Variants in DNAH5 observed in about 807,000 individuals in gnomAD.
The protein encoded by DNAH5 is dynein axonemal heavy chain 5, also known as axonemal beta dynein heavy chain 5.
Under a neutral mutation model 518.2 loss-of-function variants are expected in DNAH5, and 372 were observed. The observed-to-expected ratio is 0.72, with a 90% CI of 0.66 to 0.78. DNAH5 has a LOEUF of 0.78. DNAH5 is among the 30% of genes least tolerant of loss of function. The pLI is 0.00. For missense variants in DNAH5, 5,523 were observed against 5,687.0 expected, an observed-to-expected ratio of 0.97 and a Z score of 0.93; for synonymous variants, 2,039 against 2,025.9, an observed-to-expected ratio of 1.01 and a Z score of -0.17.
chr5:13,704,689 G>A (rs149476458), intron 76 of DNAH5, among the ~76,000 whole-genome samples: 12 of 152,222 alleles, frequency 7.9e-5, no homozygotes, highest in Middle Eastern at 3.4e-3. Flanking sequence ...CATAGTATCC[G>A]GTTCTTTGGT....
At chr5:13,934,792 G>A (rs1374307049) in intron 1 of DNAH5, among the ~76,000 whole-genome samples, 1 of 152,170 alleles carries the variant, frequency 6.6e-6, no homozygotes, top group Non-Finnish European at 1.5e-5. Context: ...GTGGCAAGAG[G>A]CAGGATTCAG....
At chr5:14,005,417 C>A (rs1350254937) in intron 1 of DNAH5, among the ~76,000 whole-genome samples, 1 of 152,156 alleles carries the variant, frequency 6.6e-6, no homozygotes, top group African/African-American at 2.4e-5. Flanking sequence ...TCTCATTATC[C>A]TCAACATCAC....
At chr5:13,879,856 C>A (rs1183941262) in intron 21 of DNAH5, among the ~76,000 whole-genome samples, 3 of 140,372 alleles carry the variant, frequency 2.1e-5, no homozygotes, top group Non-Finnish European at 3.1e-5. Flanking sequence ...ATTGGCTTGC[C>A]AGAAAGAGAA....
At chr5:13,876,651 A>T (rs1295295351) in intron 22 of DNAH5, 33 bp downstream of exon 22, 3 of 1,608,708 alleles carry the variant, frequency 1.9e-6, no homozygotes, top group Non-Finnish European at 2.5e-6. Context: ...GTTGCAAAGC[A>T]AAAGGTCCGG....
In DNAH5 at chr5:13,792,006, GA is replaced by G; in HGVS notation, c.8435del (p.Ile2812ThrfsTer8). 1 of 1,613,522 alleles carries G rather than the reference GA, an allele frequency of 6.2e-7. No individual in the cohort carries two copies. Among genetic ancestry groups the G allele is most frequent in the South Asian group, 1.1e-5 (1 of 91,044 alleles). ...CAGTGTCACTTACATTTGGTTCCTT[GA>G]TGACCTCTGAAGTAGTGTTCAGCAT... Reference protein sequence around the residue: ...QGMLNTTSEVIKEPNDLLKLW... With the variant: ...QGMLNTTSEVXKEPNDLLKLW... On this transcript the variant is annotated frameshift_variant, in exon 50 of 79. Coordinates refer to ENST00000265104, the MANE Select transcript of DNAH5 (RefSeq NM_001369.3). LOFTEE classifies it high-confidence loss of function.
At chr5:13,795,180 A>G (rs939822681) in intron 47 of DNAH5, among the ~76,000 whole-genome samples, 4 of 152,204 alleles carry the variant, frequency 2.6e-5, no homozygotes, top group Non-Finnish European at 4.4e-5. Flanking sequence ...AGCTAGCAGA[A>G]GGCAAGAAAT....
chr5:13,810,393 C>T (rs944114755), intron 44 of DNAH5, 133 bp from the exon 45 acceptor site: 9 of 786,728 alleles, frequency 1.1e-5, no homozygotes, highest in African/African-American at 1.0e-4. Context: ...AGGATGAATA[C>T]AACTGGAGAA....
intron 13 of DNAH5, 24 bp from the exon 14 acceptor site, chr5:13,901,597 G>T (rs1426353378): frequency 1.3e-6 from 2 of 1,483,186 alleles, no homozygotes; most frequent in Non-Finnish European, 1.9e-6. Context: ...AAAGTTAAAA[G>T]CTTGAATTAA....
chr5:13,916,979 T>A (rs974931150), intron 8 of DNAH5, among the ~76,000 whole-genome samples, 164 bp downstream of exon 8: 1 of 152,198 alleles, frequency 6.6e-6, no homozygotes, highest in African/African-American at 2.4e-5. Context: ...CAGATATTTG[T>A]GCGTCTGCGT....
intron 16 of DNAH5, among the ~76,000 whole-genome samples, chr5:13,893,239 G>A (rs1485823023): frequency 6.6e-6 from 1 of 152,132 alleles, no homozygotes; most frequent in South Asian, 2.1e-4. Context: ...GAGACCTGAG[G>A]GGCGGAGTTG....
At chr5:14,001,140 C>T (rs548674545) in intron 1 of DNAH5, among the ~76,000 whole-genome samples, 1 of 152,128 alleles carries the variant, frequency 6.6e-6, no homozygotes, top group Non-Finnish European at 1.5e-5. Context: ...GAGGACTACT[C>T]GAGGGGAGAG....
chr5:13,735,465 A>T, intron 67 of DNAH5, 144 bp from the exon 68 acceptor site: 1 of 776,994 alleles, frequency 1.3e-6, no homozygotes, highest in South Asian at 1.7e-5. Flanking sequence ...CTAAATCTAA[A>T]ATAACAAGAA....
In DNAH5 at chr5:13,700,632, C is replaced by T; in HGVS notation, c.13723+8G>A. On this transcript the variant is annotated splice_region_variant and intron_variant, in intron 78 of 78. Coordinates refer to ENST00000265104, the MANE Select transcript of DNAH5 (RefSeq NM_001369.3). ...GCGAGCCCTTACTGAAGGTACAAGA[C>T]AACTTACTATTGTTTTCTGCATAAA... 6.2e-7 allele frequency: 1 copy of T among 1,612,914 alleles called. No individual in the cohort carries two copies. The highest frequency in any genetic ancestry group is 1.1e-5 in the South Asian group (1 of 91,052).
intron 1 of DNAH5, among the ~76,000 whole-genome samples, chr5:13,973,016 C>A (rs1373348680): frequency 6.6e-6 from 1 of 152,092 alleles, no homozygotes; most frequent in Non-Finnish European, 1.5e-5. Flanking sequence ...CCTTACGTGA[C>A]AACAGGGGCT....
chr5:13,879,130 A>T (rs1771293243), intron 21 of DNAH5, among the ~76,000 whole-genome samples: 1 of 152,212 alleles, frequency 6.6e-6, no homozygotes, highest in Non-Finnish European at 1.5e-5. Context: ...ACAAGACTGA[A>T]AGAGGTAGCT....
chr5:13,743,945 T>G (rs1023908847), intron 65 of DNAH5, among the ~76,000 whole-genome samples: 1 of 151,926 alleles, frequency 6.6e-6, no homozygotes, highest in Admixed American at 6.6e-5. Flanking sequence ...CTGAAACAAA[T>G]AGAACTACCA....
At chr5:14,006,828 C>A (rs1784752405) in intron 1 of DNAH5, among the ~76,000 whole-genome samples, 1 of 152,106 alleles carries the variant, frequency 6.6e-6, no homozygotes, top group South Asian at 2.1e-4. Flanking sequence ...CTTTTTTATT[C>A]TTTCTTATTG....
chr5:13,815,716 G>A (rs1440884916), intron 42 of DNAH5, among the ~76,000 whole-genome samples: 1 of 152,180 alleles, frequency 6.6e-6, no homozygotes, highest in Non-Finnish European at 1.5e-5. Flanking sequence ...GTATATGAGG[G>A]CAGTGGGAAA....
chr5:13,745,043 A>T (rs1285897123), intron 65 of DNAH5, among the ~76,000 whole-genome samples: 1 of 152,082 alleles, frequency 6.6e-6, no homozygotes, highest in East Asian at 1.9e-4. Flanking sequence ...CTCAAAAGGA[A>T]ATCACACACC....
Sources: allele counts gnomAD v4.1 joint callset (sites outside exome capture counted in the v4.1 genomes callset), GRCh38; gene constraint gnomAD v4.1.1; transcripts MANE v1.5; gene names NCBI Gene and HGNC (gene_info 2026-07-23, HGNC 2026-07-21).